Variants in OR2J2 observed in about 807,000 individuals in gnomAD.
The protein encoded by OR2J2 is olfactory receptor 2J2.
OR2J2 carries 13 observed loss-of-function variants against 16.9 expected under a neutral mutation model. The ratio of observed to expected loss-of-function variants is 0.77; its 90% CI spans 0.50 to 1.23. The LOEUF (loss-of-function observed/expected upper bound fraction) is 1.23, where lower values mean the gene tolerates loss of function less well. Among genes scored for constraint, OR2J2 ranks in the 50% most tolerant of loss-of-function variants. The pLI, the probability that OR2J2 is intolerant of heterozygous loss-of-function variation, is 0.00. For missense variants in OR2J2, 341 were observed against 379.1 expected (o/e 0.90, Z 0.84); for synonymous variants, 125 against 141.2 (o/e 0.89, Z 0.81).
chr6:29,172,956 T>C (rs1335467286), intron 1 of OR2J2, among the ~76,000 whole-genome samples: 1 of 152,176 alleles, frequency 6.6e-6, no homozygotes, highest in African/African-American at 2.4e-5. Flanking sequence ...CTTCCAGTAA[T>C]ATAGTCTCAT....
chr6:29,173,728 T>A lies in OR2J2; in HGVS notation c.93T>A (p.Val31=). The change falls in exon 2 of 2, where the codon GTT becomes GTA. Residue 31 remains valine, a synonymous_variant. Transcript: ENST00000641417. ...WPQLEVVLFV[V]ILIFYLMTLT... ...AGCTGGAAGTAGTTCTCTTTGTGGTTATCTTGATCTTCTACCTGATGACAC... is the reference window on the plus strand; with the variant it reads ...AGCTGGAAGTAGTTCTCTTTGTGGTAATCTTGATCTTCTACCTGATGACAC... 1 of 1,613,828 alleles carries A rather than the reference T, an allele frequency of 6.2e-7. No homozygotes were observed. The highest frequency in any genetic ancestry group is 8.5e-7 in the Non-Finnish European group (1 of 1,179,956).
Position 29,174,519 on chromosome 6 carries a change from A to T in OR2J2, c.884A>T (p.Asn295Ile), listed in dbSNP as rs756726703. The change falls in exon 2 of 2, where the codon AAC becomes ATC. Residue 295 changes from asparagine to isoleucine, a missense_variant. Asn to Ile is a moderately radical substitution (Grantham distance 149). Coordinates refer to ENST00000641417, the MANE Select transcript of OR2J2 (RefSeq NM_030905.3). ...SLNPLIYTLRNKHVKGAAKRL... is the reference protein window; with the variant it reads ...SLNPLIYTLRIKHVKGAAKRL... ...AATCCTCTAATCTACACTCTCAGAA[A>T]CAAGCATGTAAAAGGGGCAGCGAAG... is the stretch of plus-strand genomic sequence containing the variant. 10 of 1,613,762 alleles carry T rather than the reference A, an allele frequency of 6.2e-6. No individual in the cohort carries two copies. Among genetic ancestry groups the T allele is most frequent in the Non-Finnish European group, 7.6e-6 (9 of 1,179,908 alleles).
Position 29,174,978 on chromosome 6 carries a change from T to G in OR2J2, c.*404T>G, listed in dbSNP as rs1374210372. On this transcript the variant is annotated 3_prime_UTR_variant, in exon 2 of 2. Coordinates refer to ENST00000641417, the MANE Select transcript of OR2J2 (RefSeq NM_030905.3). ...AGACTTAGGCTAAAAAGGTTTTTGG[T>G]TATTGAATAAACCTTAAATGAAGCT... 3 of 165,434 alleles carry G rather than the reference T, an allele frequency of 1.8e-5. No homozygotes were observed. The highest frequency in any genetic ancestry group is 3.9e-5 in the Non-Finnish European group (3 of 77,452). 10.2% of individuals were successfully genotyped at this position (165,434 alleles called of 1,614,324 possible). A position where few individuals can be genotyped will look rare whatever the true frequency, so the allele number is the denominator to read the frequency against.
chr6:29,173,874 C>G lies in OR2J2; in HGVS notation c.239C>G (p.Pro80Arg), dbSNP rs758040981. The change falls in exon 2 of 2, where the codon CCT becomes CGT. Residue 80 changes from proline (P) to arginine (R), a missense_variant. Transcript: ENST00000641417. ...CTCTGCTACACCACCAGCTCTATCC[C>G]TCAGTTGCTGGTGAATCTCCGGGGC... Reference protein sequence around the residue: ...LDLCYTTSSIPQLLVNLRGPE... With the variant: ...LDLCYTTSSIRQLLVNLRGPE... 1 of 1,612,450 alleles carries G rather than the reference C, an allele frequency of 6.2e-7. No individual in the cohort carries two copies. The highest frequency in any genetic ancestry group is 2.2e-5 in the East Asian group (1 of 44,802).
chr6:29,174,621 G>T lies in OR2J2; in HGVS notation c.*47G>T, dbSNP rs1765733304. ...TGTCATTGTTTTTCCTAGGGTCTTA[G>T]CCATCTTGAAAGGTGGTTTCCCTGC... On this transcript the variant is annotated 3_prime_UTR_variant, in exon 2 of 2. Transcript: ENST00000641417. 6.8e-7 allele frequency: 1 copy of T among 1,467,288 alleles called. No homozygotes were observed. The highest frequency in any genetic ancestry group is 9.1e-7 in the Non-Finnish European group (1 of 1,093,430). The allele number at this position is 1,467,288 out of a possible 1,614,324, so 90.9% of individuals were successfully genotyped here. A position where few individuals can be genotyped will look rare whatever the true frequency, so the allele number is the denominator to read the frequency against.
chr6:29,174,839 A>C lies in OR2J2; in HGVS notation c.*265A>C, dbSNP rs1765749565. On this transcript the variant is annotated 3_prime_UTR_variant, in exon 2 of 2. Transcript: ENST00000641417. ...TGGACTGTGGTTTCAACGTAAATAAATGTGCATGCGAATAGTTATGAGGAG... is the reference window on the plus strand; with the variant it reads ...TGGACTGTGGTTTCAACGTAAATAACTGTGCATGCGAATAGTTATGAGGAG... 2 of 411,360 alleles carry C rather than the reference A, an allele frequency of 4.9e-6. No individual in the cohort carries two copies. The highest frequency in any genetic ancestry group is 8.6e-6 in the Non-Finnish European group (2 of 233,756). 25.5% of individuals were successfully genotyped at this position (411,360 alleles called of 1,614,324 possible). A position where few individuals can be genotyped will look rare whatever the true frequency, so the allele number is the denominator to read the frequency against.
Position 29,173,903 on chromosome 6 carries a change from G to GA in OR2J2, c.272dup (p.Thr92AspfsTer31), listed in dbSNP as rs1434039159. On this transcript the variant is annotated frameshift_variant, in exon 2 of 2. Coordinates refer to ENST00000641417, the MANE Select transcript of OR2J2 (RefSeq NM_030905.3). LOFTEE classifies it high-confidence loss of function. ...GTTGCTGGTGAATCTCCGGGGCCCG[G>GA]AAAAGACCATCTCGTATGCTGGTTG... The GA allele has an allele frequency of 3.7e-6, 6 of 1,611,962 alleles. 1 individual carries two copies. The African/African-American group carries it at 4.0e-5, about 11-fold the overall frequency.
chr6:29,174,750 TAA>T lies in OR2J2; in HGVS notation c.*178_*179del. On this transcript the variant is annotated 3_prime_UTR_variant, in exon 2 of 2. Transcript: ENST00000641417. ...TTAGTTCTGAAATATTATGTTGAGA[TAA>T]AGTTTCTGATTAGTGCCACTTTGTT... 2.0e-6 allele frequency: 1 copy of T among 506,688 alleles called. No individual in the cohort carries two copies. Among genetic ancestry groups the T allele is most frequent in the Non-Finnish European group, 3.4e-6 (1 of 296,828 alleles). 31.4% of individuals were successfully genotyped at this position (506,688 alleles called of 1,614,324 possible).
In OR2J2 at chr6:29,175,434, A is replaced by G. The variant is rs1231047568; in HGVS notation, c.*860A>G. On this transcript the variant is annotated 3_prime_UTR_variant, in exon 2 of 2. Coordinates refer to ENST00000641417, the MANE Select transcript of OR2J2 (RefSeq NM_030905.3). Reference sequence around the variant, plus strand: ...AGACAGCTTTTAAAAGTCAGAAACAATAAACTCTGATTACTCTTCAGATTG... The same window carrying G: ...AGACAGCTTTTAAAAGTCAGAAACAGTAAACTCTGATTACTCTTCAGATTG... 6.6e-6 allele frequency: 1 copy of G among 151,638 alleles called. No homozygotes were observed. Among genetic ancestry groups the G allele is most frequent in the Non-Finnish European group, 1.5e-5 (1 of 67,896 alleles). The allele number at this position is 151,638 out of a possible 1,614,324, so 9.4% of individuals were successfully genotyped here.
chr6:29,174,673 C>A lies in OR2J2; in HGVS notation c.*99C>A. ...TCTTTGTGATTTATTTTTGTTCTAACAGCTCACAAAACAGAATAGTTCAGT... is the reference window on the plus strand; with the variant it reads ...TCTTTGTGATTTATTTTTGTTCTAAAAGCTCACAAAACAGAATAGTTCAGT... On this transcript the variant is annotated 3_prime_UTR_variant, in exon 2 of 2. Transcript: ENST00000641417. The A allele has an allele frequency of 2.2e-6, 2 of 915,694 alleles. No homozygotes were observed. The highest frequency in any genetic ancestry group is 3.2e-6 in the Non-Finnish European group (2 of 618,280). The allele number at this position is 915,694 out of a possible 1,614,324, so 56.7% of individuals were successfully genotyped here.
At chr6:29,172,340 G>A (rs1380731227) in intron 1 of OR2J2, among the ~76,000 whole-genome samples, 7 of 152,100 alleles carry the variant, frequency 4.6e-5, no homozygotes, top group Admixed American at 3.9e-4. Context: ...TTACAGGCAT[G>A]AGCCACCACG....
At chr6:29,173,031 T>C (rs1484363805) in intron 1 of OR2J2, among the ~76,000 whole-genome samples, 2 of 152,300 alleles carry the variant, frequency 1.3e-5, no homozygotes, top group East Asian at 3.9e-4. Flanking sequence ...TTTGTGTATA[T>C]TGTGAATTTT....
At chr6:29,171,607 C>T (rs1181982780) in intron 1 of OR2J2, among the ~76,000 whole-genome samples, 45 of 151,838 alleles carry the variant, frequency 3.0e-4, no homozygotes, top group Admixed American at 1.9e-3. Flanking sequence ...TTTCCTATCC[C>T]TTTTATCAAC....
Position 29,174,442 on chromosome 6 carries a change from T to A in OR2J2, c.807T>A (p.Pro269=). The A allele has an allele frequency of 6.2e-7, 1 of 1,613,996 alleles. No homozygotes were observed. The highest frequency in any genetic ancestry group is 8.5e-7 in the Non-Finnish European group (1 of 1,179,978). ...MYLQPPSENS[P]DQGKFIALFY... The stretch of plus-strand genomic sequence containing the variant: ...TCCAGCCACCATCAGAAAATTCTCC[T>A]GATCAGGGCAAGTTCATTGCCCTCT... Residue 269 remains proline, a synonymous_variant, in exon 2 of 2, where the codon CCT becomes CCA. Coordinates refer to ENST00000641417, the MANE Select transcript of OR2J2 (RefSeq NM_030905.3).
At position 29,174,714 on chromosome 6, in the gene OR2J2, C is replaced by A; in HGVS notation, c.*140C>A. On this transcript the variant is annotated 3_prime_UTR_variant, in exon 2 of 2. Transcript: ENST00000641417. ...ATAGTTCAGTCTCACATTTGTTGCTCTTTTTATTATTTAGTTCTGAAATAT... is the reference window on the plus strand; with the variant it reads ...ATAGTTCAGTCTCACATTTGTTGCTATTTTTATTATTTAGTTCTGAAATAT... 1.7e-6 allele frequency: 1 copy of A among 590,194 alleles called. No homozygotes were observed. Among genetic ancestry groups the A allele is most frequent in the Non-Finnish European group, 2.8e-6 (1 of 359,188 alleles). The allele number at this position is 590,194 out of a possible 1,614,324, so 36.6% of individuals were successfully genotyped here.
rs755550124 is a variant in OR2J2 at position 29,174,139 on chromosome 6, C to T, written c.504C>T (p.Pro168=). The change falls in exon 2 of 2, where the codon CCC becomes CCT. Residue 168 remains proline, a synonymous_variant. Coordinates refer to ENST00000641417, the MANE Select transcript of OR2J2 (RefSeq NM_030905.3). ...ATTCCTCCTTTACTTTCTGGGTACCCCTTTGTGGACATCGCCTAGTGGATC... is the reference window on the plus strand; with the variant it reads ...ATTCCTCCTTTACTTTCTGGGTACCTCTTTGTGGACATCGCCTAGTGGATC... ...ALHSSFTFWV[P]LCGHRLVDHF... The T allele has an allele frequency of 1.9e-6, 3 of 1,613,674 alleles. No homozygotes were observed. The highest frequency in any genetic ancestry group is 2.2e-5 in the East Asian group (1 of 44,842).
intron 1 of OR2J2, chr6:29,173,268 T>C (rs1765600455): frequency 5.6e-6 from 1 of 178,622 alleles, no homozygotes; most frequent in Non-Finnish European, 1.2e-5. Flanking sequence ...CCTTTCTCTG[T>C]AATTGCAAAA....
At position 29,171,007 on chromosome 6, in the gene OR2J2, T is replaced by C. The variant is rs1225019893; in HGVS notation, c.-116T>C. On this transcript the variant is annotated 5_prime_UTR_variant, in exon 1 of 2. Transcript: ENST00000641417. ...AAGAAGGCAATTAGGTTGATGTTTT[T>C]AGGTTGTATGGCAACCAGAGAGCCC... 6.6e-6 allele frequency: 1 copy of C among 152,108 alleles called. No homozygotes were observed. Among genetic ancestry groups the C allele is most frequent in the Non-Finnish European group, 1.5e-5 (1 of 68,026 alleles). 9.4% of individuals were successfully genotyped at this position (152,108 alleles called of 1,614,324 possible). A position where few individuals can be genotyped will look rare whatever the true frequency, so the allele number is the denominator to read the frequency against.
intron 1 of OR2J2, among the ~76,000 whole-genome samples, chr6:29,172,938 C>G (rs558193638): frequency 5.3e-5 from 8 of 152,236 alleles, no homozygotes; most frequent in African/African-American, 1.7e-4. Context: ...ACTCTGTAAT[C>G]TTTATGTCTT....
Sources: gnomAD v4.1 joint callset for allele counts (sites outside exome capture counted in the v4.1 genomes callset) on GRCh38, gnomAD v4.1.1 for gene constraint, MANE v1.5 for transcripts, NCBI Gene and HGNC (gene_info 2026-07-23, HGNC 2026-07-21) for gene names.